The following MYO10 variants were observed in gnomAD, a reference collection of about 807,000 sequenced individuals.
The protein encoded by MYO10 is unconventional myosin-X.
Under a neutral mutation model 257.3 loss-of-function variants are expected in MYO10, and 133 were observed. The observed-to-expected ratio is 0.52, with a 90% CI of 0.45 to 0.60. MYO10 has a LOEUF of 0.60. MYO10 is among the 20% of genes least tolerant of loss of function. The pLI, the probability that MYO10 is intolerant of heterozygous loss-of-function variation, is 0.00. For missense variants in MYO10, 2,399 were observed against 2,635.7 expected (o/e 0.91, Z 1.97); for synonymous variants, 1,104 against 1,028.6 (o/e 1.07, Z -1.40).
intron 33 of MYO10, among the ~76,000 whole-genome samples, chr5:16,679,534 T>G (rs1736889308): frequency 1.3e-5 from 2 of 150,296 alleles, no homozygotes; most frequent in Non-Finnish European, 1.5e-5. Flanking sequence ...GTTTTTTTTT[T>G]TTTTTTTTGA....
intron 1 of MYO10, chr5:16,916,405 TAA>T (rs71596001): frequency 0.015 from 1,589 of 104,234 alleles, 31 homozygotes; most frequent in African/African-American, 0.053. Context: ...AGCCATGAAG[TAA>T]AAAAAAAAAA....
At chr5:16,674,323 G>T (rs561633705) in intron 35 of MYO10, among the ~76,000 whole-genome samples, 2 of 152,220 alleles carry the variant, frequency 1.3e-5, no homozygotes, top group African/African-American at 4.8e-5. Context: ...CAAAAAATTA[G>T]CCAGGCGTTG....
At chr5:16,921,576 G>A (rs1209500318) in intron 1 of MYO10, among the ~76,000 whole-genome samples, 1 of 150,976 alleles carries the variant, frequency 6.6e-6, no homozygotes, top group African/African-American at 2.4e-5. Context: ...TACTGTGAAA[G>A]GCCATTAGGA....
chr5:16,868,044 A>G (rs1744331390), intron 2 of MYO10, among the ~76,000 whole-genome samples: 1 of 152,236 alleles, frequency 6.6e-6, no homozygotes, highest in Non-Finnish European at 1.5e-5. Context: ...CCCTTAAAAT[A>G]CAATTAGATA....
At chr5:16,740,681 C>G (rs1044031841) in intron 19 of MYO10, among the ~76,000 whole-genome samples, 3 of 152,056 alleles carry the variant, frequency 2.0e-5, no homozygotes, top group Non-Finnish European at 4.4e-5. Context: ...TCCATCATTC[C>G]AGCCCTCTCG....
intron 2 of MYO10, among the ~76,000 whole-genome samples, chr5:16,845,073 TTACC>T (rs1291356234): frequency 6.6e-6 from 1 of 152,092 alleles, no homozygotes; most frequent in Non-Finnish European, 1.5e-5. Flanking sequence ...CTCAAAAACC[TTACC>T]TTTAAGCAAA....
At position 16,670,991 on chromosome 5, in the gene MYO10, AG is replaced by A. The variant is rs1488356342; in HGVS notation, c.5431-14del. On this transcript the variant is annotated splice_polypyrimidine_tract_variant and intron_variant, in intron 38 of 40. Transcript: ENST00000513610. ...CCGCTTCGTGGGCCTGAAAGGAGAC[AG>A]TCAACAGCTTTCCGGTCAACGCACT... 1.3e-6 allele frequency: 2 copies of A among 1,596,298 alleles called. No homozygotes were observed. The highest frequency in any genetic ancestry group is 2.7e-5 in the African/African-American group (2 of 74,544).
chr5:16,767,885 C>T lies in MYO10; in HGVS notation c.1060+1189G>A, dbSNP rs1740926205. On this transcript the variant is annotated intron_variant, in intron 10 of 40. Coordinates refer to ENST00000513610, the MANE Select transcript of MYO10 (RefSeq NM_012334.3). ...TAGAGACGGGGTTTCACCATGTTGG[C>T]CAGGTTGGTCTCGAACTCCTGACCT... is the stretch of plus-strand genomic sequence containing the variant. Among the ~76,000 whole-genome samples the T allele has an allele frequency of 1.3e-5, 2 of 152,246 alleles. 1 individual carries two copies. Among genetic ancestry groups the T allele is most frequent in the South Asian group, 4.1e-4 (2 of 4,820 alleles).
At chr5:16,718,042 C>G (rs1310233239) in intron 19 of MYO10, among the ~76,000 whole-genome samples, 1 of 152,214 alleles carries the variant, frequency 6.6e-6, no homozygotes, top group Non-Finnish European at 1.5e-5. Context: ...GCCCCGCACT[C>G]GGAGCAGCCA....
rs534382709 is a variant in MYO10, at chr5:16,802,344, T to A, written c.280-7511A>T. Among the ~76,000 whole-genome samples, 189 of 150,854 alleles carry A rather than the reference T, an allele frequency of 1.3e-3. 2 individuals are homozygous for A. Among genetic ancestry groups the A allele is most frequent in the African/African-American group, 4.4e-3 (180 of 41,176 alleles). On this transcript the variant is annotated intron_variant, in intron 3 of 40. Transcript: ENST00000513610. Reference sequence around the variant, plus strand: ...GTTCATGCATTTTACCAAAATAAAATTTTTTTTTTAGTTTAATAAAGAAAA... The same window carrying A: ...GTTCATGCATTTTACCAAAATAAAAATTTTTTTTTAGTTTAATAAAGAAAA...
chr5:16,843,724 G>A (rs1405143969), intron 2 of MYO10, among the ~76,000 whole-genome samples: 1 of 152,116 alleles, frequency 6.6e-6, no homozygotes, highest in African/African-American at 2.4e-5. Flanking sequence ...CTTTAGTAGA[G>A]CACATCAAAT....
intron 9 of MYO10, 33 bp downstream of exon 9, chr5:16,779,512 T>C (rs1442123749): frequency 4.6e-6 from 6 of 1,300,386 alleles, no homozygotes; most frequent in Non-Finnish European, 6.4e-6. Context: ...GTATCTGATA[T>C]CTTAATAGGG....
chr5:16,703,579 TGAG>T (rs890528261), intron 22 of MYO10, among the ~76,000 whole-genome samples: 1 of 152,046 alleles, frequency 6.6e-6, no homozygotes, highest in African/African-American at 2.4e-5. Context: ...AAAACGCACA[TGAG>T]GAGAAGTTGC....
rs553308191 is a variant in MYO10, at chr5:16,680,184, C to T, written c.4385-80G>A. The T allele has an allele frequency of 6.6e-5, 98 of 1,489,740 alleles. No homozygotes were observed. The African/African-American group carries it at 1.2e-3, about 19-fold the overall frequency. 92.3% of individuals were successfully genotyped at this position (1,489,740 alleles called of 1,614,324 possible). On this transcript the variant is annotated intron_variant, in intron 32 of 40. Transcript: ENST00000513610. ...AGGCAATGCCTGTGTCCTCTCTGACCTCAGTCCCTTTAATTATTCAATTCA... is the reference window on the plus strand; with the variant it reads ...AGGCAATGCCTGTGTCCTCTCTGACTTCAGTCCCTTTAATTATTCAATTCA...
intron 1 of MYO10, among the ~76,000 whole-genome samples, chr5:16,898,723 T>C (rs1171673586): frequency 6.6e-5 from 10 of 151,922 alleles, no homozygotes; most frequent in African/African-American, 2.4e-4. Context: ...TGTCAAATTC[T>C]GATGTGTGTT....
At chr5:16,696,821 A>G (rs1443480892) in intron 26 of MYO10, among the ~76,000 whole-genome samples, 1 of 149,246 alleles carries the variant, frequency 6.7e-6, no homozygotes, top group South Asian at 2.1e-4. Flanking sequence ...GCACCACTGC[A>G]CTCCAGCCTG....
In MYO10 at chr5:16,880,922, G is replaced by A. The variant is rs141672187; in HGVS notation, c.22-3215C>T. 1.6e-4 allele frequency among the ~76,000 whole-genome samples: 24 copies of A among 152,102 alleles called. No homozygotes were observed. In the East Asian group the frequency reaches 2.7e-3, roughly 17 times the overall value. ...TTTCAAGTGCCTGATGACTTTTTTC[G>A]GCCTCTCTTTAATTCACATGTCAGG... is the stretch of plus-strand genomic sequence containing the variant. On this transcript the variant is annotated intron_variant, in intron 1 of 40. Transcript: ENST00000513610.
intron 1 of MYO10, among the ~76,000 whole-genome samples, chr5:16,890,646 C>A (rs1450630226): frequency 6.6e-6 from 1 of 151,460 alleles, no homozygotes; most frequent in Non-Finnish European, 1.5e-5. Context: ...TCGAGACCAG[C>A]CTGGCCAACA....
At chr5:16,781,119 G>A (rs559480768) in intron 6 of MYO10, among the ~76,000 whole-genome samples, 28 of 146,954 alleles carry the variant, frequency 1.9e-4, no homozygotes, top group African/African-American at 6.3e-4. Context: ...TCGCTCTCTC[G>A]CCCAGGCTGG....
Sources: gnomAD v4.1 joint callset for allele counts (sites outside exome capture counted in the v4.1 genomes callset) on GRCh38, gnomAD v4.1.1 for gene constraint, MANE v1.5 for transcripts, NCBI Gene and HGNC (gene_info 2026-07-23, HGNC 2026-07-21) for gene names.